The following PARD3 variants were observed in gnomAD, a reference collection of about 807,000 sequenced individuals.
PARD3 encodes the protein par-3 family cell polarity regulator.
In PARD3, 75 loss-of-function variants were observed where a neutral mutation model predicts 155.4. The ratio of observed to expected loss-of-function variants is 0.48; its 90% CI spans 0.40 to 0.58. The LOEUF (loss-of-function observed/expected upper bound fraction) is 0.58, where lower values mean the gene tolerates loss of function less well. PARD3 is among the 20% of genes least tolerant of loss of function. The probability of loss-of-function intolerance (pLI) is 0.00; values close to 1 mark genes in which losing one functional copy is unlikely to be tolerated. For synonymous variants in PARD3, 576 were observed against 610.5 expected (o/e 0.94, Z 0.83); for missense variants, 1,642 against 1,721.7 (o/e 0.95, Z 0.82).
intron 2 of PARD3, among the ~76,000 whole-genome samples, chr10:34,684,842 CACACATAT>C (rs2093923258): frequency 1.5e-5 from 2 of 137,548 alleles, no homozygotes; most frequent in Non-Finnish European, 3.1e-5. Context: ...TATATACACA[CACACATAT>C]ATATACATGT....
chr10:34,769,149 C>G (rs1202192748), intron 1 of PARD3, among the ~76,000 whole-genome samples: 1 of 152,220 alleles, frequency 6.6e-6, no homozygotes. Context: ...CCAAGTCATG[C>G]TTTGCAGCTG....
At chr10:34,307,649 G>T (rs1957481283) in intron 20 of PARD3, among the ~76,000 whole-genome samples, 1 of 152,060 alleles carries the variant, frequency 6.6e-6, no homozygotes, top group Non-Finnish European at 1.5e-5. Flanking sequence ...TTATTCCTGG[G>T]CACATCCAGC....
At chr10:34,452,012 G>A (rs527536205) in intron 4 of PARD3, among the ~76,000 whole-genome samples, 1 of 152,122 alleles carries the variant, frequency 6.6e-6, no homozygotes, top group South Asian at 2.1e-4. Flanking sequence ...AAGTCATAAA[G>A]GGTAGACTTG....
At chr10:34,468,946 AACTT>A (rs2078176563) in intron 4 of PARD3, among the ~76,000 whole-genome samples, 1 of 152,226 alleles carries the variant, frequency 6.6e-6, no homozygotes, top group Non-Finnish European at 1.5e-5. Context: ...ATACTGTGCT[AACTT>A]ACTGGCTGCA....
At chr10:34,355,935 A>C (rs1030833675) in intron 14 of PARD3, among the ~76,000 whole-genome samples, 3 of 130,428 alleles carry the variant, frequency 2.3e-5, no homozygotes, top group African/African-American at 4.1e-5. Context: ...AAAAAAAAAA[A>C]AAAAAAAAAA....
chr10:34,750,504 CA>C (rs1564578446), intron 1 of PARD3, among the ~76,000 whole-genome samples: 10 of 136,254 alleles, frequency 7.3e-5, no homozygotes, highest in Admixed American at 3.7e-4. Flanking sequence ...CACACACACA[CA>C]CACACCCTAA....
chr10:34,388,231 A>G (rs540182322), intron 7 of PARD3, among the ~76,000 whole-genome samples: 1 of 152,334 alleles, frequency 6.6e-6, no homozygotes, highest in East Asian at 1.9e-4. Context: ...TAACCACACT[A>G]TTAGAATCAT....
At chr10:34,158,291 G>T (rs35491345) in intron 22 of PARD3, among the ~76,000 whole-genome samples, 4,106 of 152,284 alleles carry the variant, frequency 0.027, 79 homozygotes, top group Non-Finnish European at 0.04. Context: ...AGACCCATGA[G>T]GTAGGAGACA....
At chr10:34,403,755 A>G (rs565433779) in intron 5 of PARD3, among the ~76,000 whole-genome samples, 21 of 152,302 alleles carry the variant, frequency 1.4e-4, no homozygotes, top group African/African-American at 4.8e-4. Context: ...CAACATCTTG[A>G]ACGTGCCTGA....
chr10:34,352,425 C>T (rs1360839911), intron 14 of PARD3, among the ~76,000 whole-genome samples: 3 of 152,216 alleles, frequency 2.0e-5, no homozygotes, highest in Non-Finnish European at 2.9e-5. Flanking sequence ...GCTGCCATCT[C>T]GGCTCACTGC....
chr10:34,119,717 C>G lies in PARD3; in HGVS notation c.3564G>C (p.Gln1188His). The change falls in exon 24 of 25, where the codon CAG becomes CAC. Residue 1188 changes from glutamine (Q) to histidine (H), a missense_variant. Around this residue, in one of 3 missense-constraint regions of PARD3, gnomAD observed 1,529 missense variants for 1,587.3 expected, o/e 0.96. Coordinates refer to ENST00000374788, the MANE Select transcript of PARD3 (RefSeq NM_001184785.2). Reference protein sequence around the residue: ...QPWPNARPATQSGRHSVSVEV... With the variant: ...QPWPNARPATHSGRHSVSVEV... ...CCACGGACACCGAGTGTCGCCCGCTCTGCGTCGCCGGCCGTGCGTTCGGCT... is the reference window on the plus strand; with the variant it reads ...CCACGGACACCGAGTGTCGCCCGCTGTGCGTCGCCGGCCGTGCGTTCGGCT... 2 of 1,612,388 alleles carry G rather than the reference C, an allele frequency of 1.2e-6. No individual in the cohort carries two copies. Among genetic ancestry groups the G allele is most frequent in the Non-Finnish European group, 1.7e-6 (2 of 1,179,050 alleles).
chr10:34,589,436 C>T (rs2088433713), intron 2 of PARD3, among the ~76,000 whole-genome samples: 1 of 151,890 alleles, frequency 6.6e-6, no homozygotes, highest in Non-Finnish European at 1.5e-5. Context: ...TGACTGGCAT[C>T]CTTAGAAGAA....
At chr10:34,661,946 A>G (rs1373891636) in intron 2 of PARD3, among the ~76,000 whole-genome samples, 1 of 152,130 alleles carries the variant, frequency 6.6e-6, no homozygotes, top group Non-Finnish European at 1.5e-5. Flanking sequence ...TGAAAGCCCC[A>G]CTGGAAAGAA....
intron 19 of PARD3, among the ~76,000 whole-genome samples, chr10:34,322,515 T>A (rs1278368731): frequency 6.6e-6 from 1 of 152,198 alleles, no homozygotes; most frequent in Non-Finnish European, 1.5e-5. Flanking sequence ...CTGTGGAATA[T>A]CTATTGTGTT....
intron 14 of PARD3, among the ~76,000 whole-genome samples, chr10:34,354,209 C>T (rs11009749): frequency 0.26 from 39,003 of 151,144 alleles, 9,599 homozygotes; most frequent in African/African-American, 0.65. Context: ...AACTCCATCT[C>T]TACTAAAAAA....
At position 34,254,328 on chromosome 10, in the gene PARD3, G is replaced by A. The variant is rs80346693; in HGVS notation, c.3419+15329C>T. On this transcript the variant is annotated intron_variant, in intron 22 of 24. Coordinates refer to ENST00000374788, the MANE Select transcript of PARD3 (RefSeq NM_001184785.2). ...CAGGAGGCAGAGCTTGCAGTGAGCC[G>A]AGATCGCACCACTGCACTCCAGCCT... Among the ~76,000 whole-genome samples, 142 of 151,984 alleles carry A rather than the reference G, an allele frequency of 9.3e-4. 2 individuals carry two copies. The East Asian group carries it at 0.021, about 22-fold the overall frequency.
intron 1 of PARD3, among the ~76,000 whole-genome samples, chr10:34,739,509 G>C (rs2094971158): frequency 6.6e-6 from 1 of 152,220 alleles, no homozygotes; most frequent in Non-Finnish European, 1.5e-5. Context: ...AGTGCTGGGA[G>C]AGAGGCGAGG....
At chr10:34,450,585 G>T in intron 4 of PARD3, 137 bp from the exon 5 acceptor site, 1 of 793,988 alleles carries the variant, frequency 1.3e-6, no homozygotes, top group Non-Finnish European at 1.9e-6. Flanking sequence ...CAAAATAGCT[G>T]ATTGAGGACA....
At chr10:34,393,516 A>G (rs149801796) in intron 7 of PARD3, among the ~76,000 whole-genome samples, 39 of 151,948 alleles carry the variant, frequency 2.6e-4, no homozygotes, top group African/African-American at 8.7e-4. Flanking sequence ...GGCAGGTTGA[A>G]GCTGCAGTGA....
Sources: allele counts gnomAD v4.1 joint callset (sites outside exome capture counted in the v4.1 genomes callset), GRCh38; gene constraint gnomAD v4.1.1; regional missense constraint gnomAD v4.1.1; transcripts MANE v1.5; gene names NCBI Gene and HGNC (gene_info 2026-07-23, HGNC 2026-07-21).